The following FSHR variants were observed in gnomAD, a reference collection of about 807,000 sequenced individuals.
FSHR encodes follicle stimulating hormone receptor, also known as follicle-stimulating hormone receptor.
A neutral mutation model predicts 52.1 loss-of-function variants in FSHR; 46 were observed. The observed-to-expected ratio is 0.88, with a 90% CI of 0.70 to 1.13. The LOEUF (loss-of-function observed/expected upper bound fraction) is 1.13. Ranked by LOEUF, FSHR falls within the 50% of genes most tolerant of loss-of-function variation. The pLI is 0.00. For missense variants in FSHR, 964 were observed against 834.6 expected, an observed-to-expected ratio of 1.16 and a Z score of -1.91; for synonymous variants, 399 against 309.6, an observed-to-expected ratio of 1.29 and a Z score of -3.03.
chr2:48,974,172 T>C lies in FSHR; in HGVS notation c.669-5289A>G, dbSNP rs1338297132. ...ATGGTGCTTCTGCAGCAGGTAAGTA[T>C]ATGTGGCTGAGAATATAAAAGTTAC... On this transcript the variant is annotated intron_variant, in intron 8 of 9. Coordinates refer to ENST00000406846, the MANE Select transcript of FSHR (RefSeq NM_000145.4). Among the ~76,000 whole-genome samples the C allele has an allele frequency of 2.0e-5, 3 of 152,032 alleles. No homozygotes were observed. In the South Asian group the frequency reaches 6.2e-4, roughly 32 times the overall value.
intron 2 of FSHR, among the ~76,000 whole-genome samples, chr2:49,021,092 T>C (rs1446085940): frequency 1.3e-5 from 2 of 152,196 alleles, no homozygotes; most frequent in Admixed American, 1.3e-4. Flanking sequence ...ACCCTGGAAC[T>C]TAAAAATTAA....
At chr2:49,118,343 G>C (rs1671679899) in intron 1 of FSHR, among the ~76,000 whole-genome samples, 1 of 152,086 alleles carries the variant, frequency 6.6e-6, no homozygotes, top group Admixed American at 6.6e-5. Context: ...GAGAAAAGAT[G>C]CTTTCTCCCC....
chr2:49,069,382 T>C (rs528505555), intron 1 of FSHR, among the ~76,000 whole-genome samples: 97 of 152,294 alleles, frequency 6.4e-4, no homozygotes, highest in Admixed American at 2.4e-3. Flanking sequence ...AATGTTACCA[T>C]TTCAGTGAAG....
At chr2:49,109,567 G>T (rs1331443037) in intron 1 of FSHR, among the ~76,000 whole-genome samples, 1 of 152,096 alleles carries the variant, frequency 6.6e-6, no homozygotes, top group African/African-American at 2.4e-5. Context: ...GGAGTGGACT[G>T]GGGGGACAGT....
chr2:49,019,621 T>A (rs893961340), intron 3 of FSHR, among the ~76,000 whole-genome samples: 7 of 152,236 alleles, frequency 4.6e-5, no homozygotes, highest in Non-Finnish European at 1.0e-4. Flanking sequence ...CTATGACATA[T>A]GTAATTTTAT....
intron 1 of FSHR, among the ~76,000 whole-genome samples, chr2:49,143,814 A>G (rs1672775865): frequency 6.6e-6 from 1 of 152,174 alleles, no homozygotes; most frequent in South Asian, 2.1e-4. Flanking sequence ...GGTTGACTCT[A>G]GAAAATGGAA....
chr2:49,114,028 CA>C (rs1332837388), intron 1 of FSHR, among the ~76,000 whole-genome samples: 2 of 152,132 alleles, frequency 1.3e-5, no homozygotes, highest in Admixed American at 1.3e-4. Context: ...GTCACACCAG[CA>C]AAGCATGCTC....
At chr2:49,010,667 T>A (rs1573088395) in intron 4 of FSHR, among the ~76,000 whole-genome samples, 2 of 140,944 alleles carry the variant, frequency 1.4e-5, no homozygotes, top group East Asian at 3.9e-4. Flanking sequence ...CTGGACTCTT[T>A]TTGGTTGGTA....
At chr2:48,976,618 T>C (rs1675002723) in intron 8 of FSHR, among the ~76,000 whole-genome samples, 1 of 152,142 alleles carries the variant, frequency 6.6e-6, no homozygotes, top group African/African-American at 2.4e-5. Context: ...GTCCTGGGCT[T>C]TTTTTGGTTG....
intron 2 of FSHR, among the ~76,000 whole-genome samples, chr2:49,021,842 TCTC>T (rs1667714630): frequency 4.1e-4 from 11 of 26,802 alleles, no homozygotes; most frequent in Admixed American, 1.0e-3. Context: ...TCTCTCTCTC[TCTC>T]TCTCTCTCTC....
chr2:48,965,261 C>T (rs975993553), intron 9 of FSHR, among the ~76,000 whole-genome samples: 1 of 152,152 alleles, frequency 6.6e-6, no homozygotes, highest in African/African-American at 2.4e-5. Context: ...CCCCATCAAC[C>T]TGGATGAGAA....
rs116926186 is a variant in FSHR at position 48,998,603 on chromosome 2, A to G, written c.375-7966T>C. On this transcript the variant is annotated intron_variant, in intron 4 of 9. Transcript: ENST00000406846. ...GAAAAAAATATACTAGCTGAATTTT[A>G]CAACAGTATTTGCATAAAAGGGGTA... 7.9e-5 allele frequency among the ~76,000 whole-genome samples: 12 copies of G among 152,226 alleles called. No individual in the cohort carries two copies. The East Asian group carries it at 2.3e-3, about 29-fold the overall frequency.
intron 2 of FSHR, among the ~76,000 whole-genome samples, chr2:49,064,352 G>GC (rs59083384): frequency 1 from 152,035 of 152,074 alleles, 75,999 homozygotes; most frequent in Middle Eastern, 1. Context: ...CACCACAAGG[G>GC]CCCATCCCCA....
intron 2 of FSHR, among the ~76,000 whole-genome samples, chr2:49,041,604 A>G (rs1390488593): frequency 3.3e-5 from 5 of 152,110 alleles, no homozygotes; most frequent in South Asian, 2.1e-4. Flanking sequence ...TTTCTAGATT[A>G]TTCTGAGGAA....
intron 2 of FSHR, among the ~76,000 whole-genome samples, chr2:49,057,049 A>G (rs937578943): frequency 1.3e-5 from 2 of 152,116 alleles, no homozygotes; most frequent in Non-Finnish European, 2.9e-5. Context: ...CCCCTATATG[A>G]AAAAACAAGA....
At chr2:49,070,200 A>G (rs1669677956) in intron 1 of FSHR, among the ~76,000 whole-genome samples, 1 of 152,174 alleles carries the variant, frequency 6.6e-6, no homozygotes, top group Admixed American at 6.6e-5. Context: ...GATGAGAAAG[A>G]TTCCAAAATA....
At chr2:49,021,338 T>A (rs1667688897) in intron 2 of FSHR, among the ~76,000 whole-genome samples, 1 of 152,146 alleles carries the variant, frequency 6.6e-6, no homozygotes, top group African/African-American at 2.4e-5. Context: ...AATCAGTTAA[T>A]ATTTATAAAG....
intron 1 of FSHR, among the ~76,000 whole-genome samples, chr2:49,113,094 T>C (rs943818977): frequency 1.3e-5 from 2 of 152,092 alleles, no homozygotes; most frequent in African/African-American, 4.8e-5. Context: ...AGGTTATGAC[T>C]AAAGAGGTGA....
At chr2:48,992,930 C>A (rs554379607) in intron 4 of FSHR, among the ~76,000 whole-genome samples, 2 of 152,130 alleles carry the variant, frequency 1.3e-5, no homozygotes, top group Non-Finnish European at 2.9e-5. Context: ...TCACCAACTA[C>A]CAAATGTAAG....
Sources: allele counts gnomAD v4.1 joint callset (sites outside exome capture counted in the v4.1 genomes callset), GRCh38; gene constraint gnomAD v4.1.1; transcripts MANE v1.5; gene names NCBI Gene and HGNC (gene_info 2026-07-23, HGNC 2026-07-21).